The following CDS2 variants were observed in gnomAD, a reference collection of about 807,000 sequenced individuals.
The protein encoded by CDS2 is phosphatidate cytidylyltransferase 2.
CDS2 carries 47 observed loss-of-function variants against 59.0 expected under a neutral mutation model. That is an observed-to-expected ratio of 0.80 (90% CI 0.63 to 1.02). CDS2 has a LOEUF of 1.02. CDS2 is among the 50% of genes least tolerant of loss of function. The pLI is 0.00. For synonymous variants in CDS2, 207 were observed against 206.4 expected, an observed-to-expected ratio of 1.00 and a Z score of -0.02; for missense variants, 356 against 558.9, an observed-to-expected ratio of 0.64 and a Z score of 3.66.
At chr20:5,152,827 A>G (rs191895827) in intron 1 of CDS2, among the ~76,000 whole-genome samples, 1 of 152,340 alleles carries the variant, frequency 6.6e-6, no homozygotes, top group Non-Finnish European at 1.5e-5. Flanking sequence ...CTTGAGGATT[A>G]TGGAGGAAAA....
At chr20:5,179,805 G>T (rs1403712519) in intron 5 of CDS2, among the ~76,000 whole-genome samples, 4 of 152,160 alleles carry the variant, frequency 2.6e-5, no homozygotes, top group Non-Finnish European at 5.9e-5. Context: ...ACATTAAAGC[G>T]TTATATTAGT....
At chr20:5,189,653 C>T (rs556174776) in intron 11 of CDS2, 82 bp from the exon 12 acceptor site, 2 of 978,310 alleles carry the variant, frequency 2.0e-6, no homozygotes, top group East Asian at 4.8e-5. Flanking sequence ...GCACAGAAGC[C>T]TGACATTGGG....
chr20:5,190,322 C>A lies in CDS2; in HGVS notation c.*88C>A. ...CCAGCTGGTGTGACTTAGACAATGACGAGGCTTCAACTCACTGTCTTTTTT... is the reference window on the plus strand; with the variant it reads ...CCAGCTGGTGTGACTTAGACAATGAAGAGGCTTCAACTCACTGTCTTTTTT... On this transcript the variant is annotated 3_prime_UTR_variant, in exon 13 of 13. Coordinates refer to ENST00000460006, the MANE Select transcript of CDS2 (RefSeq NM_003818.4). 3 of 1,238,300 alleles carry A rather than the reference C, an allele frequency of 2.4e-6. No individual in the cohort carries two copies. The highest frequency in any genetic ancestry group is 3.3e-6 in the Non-Finnish European group (3 of 913,082). 76.7% of individuals were successfully genotyped at this position (1,238,300 alleles called of 1,614,324 possible).
intron 1 of CDS2, among the ~76,000 whole-genome samples, chr20:5,167,752 T>G (rs1196467358): frequency 6.6e-6 from 1 of 152,204 alleles, no homozygotes; most frequent in African/African-American, 2.4e-5. Flanking sequence ...ATCTAGAAGA[T>G]GGAGGCCATG....
chr20:5,178,500 G>A (rs998459479), intron 4 of CDS2, among the ~76,000 whole-genome samples: 2 of 152,152 alleles, frequency 1.3e-5, no homozygotes, highest in African/African-American at 2.4e-5. Context: ...AGGATGAGGC[G>A]TGTTTTTGAA....
chr20:5,168,417 CAA>C (rs71332877), intron 1 of CDS2, among the ~76,000 whole-genome samples: 14 of 71,514 alleles, frequency 2.0e-4, no homozygotes, highest in East Asian at 4.1e-4. Context: ...TCTGTCCCCC[CAA>C]AAAAAAAAAA....
chr20:5,189,658 A>T (rs932140746), intron 11 of CDS2, 77 bp from the exon 12 acceptor site: 1 of 1,025,242 alleles, frequency 9.8e-7, no homozygotes, highest in Middle Eastern at 2.3e-4. Flanking sequence ...GAAGCCTGAC[A>T]TTGGGGTGGG....
intron 10 of CDS2, 37 bp from the exon 11 acceptor site, chr20:5,189,030 T>C (rs2091092039): frequency 6.2e-7 from 1 of 1,613,296 alleles, no homozygotes; most frequent in South Asian, 1.1e-5. Context: ...ACTGGGCATG[T>C]ATGCACCTAA....
At chr20:5,166,924 A>T (rs1301226549) in intron 1 of CDS2, among the ~76,000 whole-genome samples, 1 of 152,184 alleles carries the variant, frequency 6.6e-6, no homozygotes, top group Non-Finnish European at 1.5e-5. Context: ...AAGAAAGTGC[A>T]TTGGTTGGAT....
chr20:5,191,368 T>C lies in CDS2; in HGVS notation c.*1134T>C, dbSNP rs944009140. On this transcript the variant is annotated 3_prime_UTR_variant, in exon 13 of 13. Coordinates refer to ENST00000460006, the MANE Select transcript of CDS2 (RefSeq NM_003818.4). The stretch of plus-strand genomic sequence containing the variant: ...ATGTGACCAGTTTAAATGTAGTTTG[T>C]ATTGTACTGGGGGACCTTTCGTTGT... The C allele has an allele frequency of 3.3e-5, 5 of 152,330 alleles. No individual in the cohort carries two copies. The highest frequency in any genetic ancestry group is 1.2e-4 in the African/African-American group (5 of 41,566). 9.4% of individuals were successfully genotyped at this position (152,330 alleles called of 1,614,324 possible).
In CDS2 at chr20:5,196,628, T is replaced by C. The variant is rs1294284899; in HGVS notation, c.*6394T>C. 6.6e-6 allele frequency: 1 copy of C among 152,208 alleles called. No homozygotes were observed. Among genetic ancestry groups the C allele is most frequent in the African/African-American group, 2.4e-5 (1 of 41,438 alleles). The allele number at this position is 152,208 out of a possible 1,614,324, so 9.4% of individuals were successfully genotyped here. ...CTGCGCTAGGTTCTTGTATGCTGGC[T>C]TTTCTTAAAGGAACAGCAGAGTAGA... On this transcript the variant is annotated 3_prime_UTR_variant, in exon 13 of 13. Coordinates refer to ENST00000460006, the MANE Select transcript of CDS2 (RefSeq NM_003818.4).
In CDS2 at chr20:5,173,418, CCT is replaced by C. The variant is rs113618534; in HGVS notation, c.58-104_58-103del. On this transcript the variant is annotated intron_variant, in intron 1 of 12. Transcript: ENST00000460006. The stretch of plus-strand genomic sequence containing the variant: ...ACCTGACTGTGCCAGGTTCTTAGGC[CCT>C]GTTTGGAGTCTTTCCCCACAGATCT... 2,328 of 1,302,290 alleles carry C rather than the reference CCT, an allele frequency of 1.8e-3. 35 individuals are homozygous for C. The African/African-American group carries it at 0.026, about 15-fold the overall frequency. The allele number at this position is 1,302,290 out of a possible 1,614,324, so 80.7% of individuals were successfully genotyped here.
At position 5,190,366 on chromosome 20, in the gene CDS2, T is replaced by A; in HGVS notation, c.*132T>A. On this transcript the variant is annotated 3_prime_UTR_variant, in exon 13 of 13. Coordinates refer to ENST00000460006, the MANE Select transcript of CDS2 (RefSeq NM_003818.4). ...CTTTTTTTTTTTTTTTTGGAGGGTA[T>A]TTTTTATTTGTGGGTTCAAAAAATC... 1.1e-6 allele frequency: 1 copy of A among 874,264 alleles called. No homozygotes were observed. Among genetic ancestry groups the A allele is most frequent in the Non-Finnish European group, 1.7e-6 (1 of 591,772 alleles). 54.2% of individuals were successfully genotyped at this position (874,264 alleles called of 1,614,324 possible).
In CDS2 at chr20:5,137,305, G is replaced by A. The variant is rs148659206; in HGVS notation, c.57+10156G>A. 5.1e-3 allele frequency among the ~76,000 whole-genome samples: 761 copies of A among 149,456 alleles called. 5 individuals are homozygous for A. The highest frequency in any genetic ancestry group is 0.018 in the African/African-American group (728 of 40,460). The stretch of plus-strand genomic sequence containing the variant: ...GTCGCCCAGGCTGGAGTGCAGTAGC[G>A]TGATCTCGGCTCACTGCAGCCTCCG... On this transcript the variant is annotated intron_variant, in intron 1 of 12. Transcript: ENST00000460006.
At chr20:5,186,105 G>T (rs1397665684) in intron 9 of CDS2, among the ~76,000 whole-genome samples, 1 of 152,236 alleles carries the variant, frequency 6.6e-6, no homozygotes, top group South Asian at 2.1e-4. Flanking sequence ...CAAGGTCAGG[G>T]TGAGTGCACC....
Position 5,127,161 on chromosome 20 carries a change from G to A in CDS2, c.57+12G>A. 1 of 1,486,872 alleles carries A rather than the reference G, an allele frequency of 6.7e-7. No homozygotes were observed. Among genetic ancestry groups the A allele is most frequent in the Non-Finnish European group, 9.0e-7 (1 of 1,116,804 alleles). The allele number at this position is 1,486,872 out of a possible 1,614,324, so 92.1% of individuals were successfully genotyped here. The stretch of plus-strand genomic sequence containing the variant: ...CACCCGAGGACAAGGTAGCGGCAGC[G>A]TCGGGGTGGGCGCGGCCGGGACAGC... On this transcript the variant is annotated intron_variant, in intron 1 of 12. Transcript: ENST00000460006.
chr20:5,131,092 TAA>T (rs1049352468), intron 1 of CDS2, among the ~76,000 whole-genome samples: 78 of 105,016 alleles, frequency 7.4e-4, no homozygotes, highest in Admixed American at 8.3e-4. Context: ...GACTCTGTCT[TAA>T]AAAAAAAAAA....
At chr20:5,142,618 T>G (rs568449143) in intron 1 of CDS2, among the ~76,000 whole-genome samples, 17 of 152,294 alleles carry the variant, frequency 1.1e-4, no homozygotes. Flanking sequence ...GTGATGTATA[T>G]TCCTCCTGTA....
At chr20:5,145,742 T>G (rs532100040) in intron 1 of CDS2, among the ~76,000 whole-genome samples, 1 of 152,170 alleles carries the variant, frequency 6.6e-6, no homozygotes, top group East Asian at 1.9e-4. Flanking sequence ...ATTCATTTCA[T>G]TGGGATATTG....
Sources: allele counts gnomAD v4.1 joint callset (sites outside exome capture counted in the v4.1 genomes callset), GRCh38; gene constraint gnomAD v4.1.1; transcripts MANE v1.5; gene names NCBI Gene and HGNC (gene_info 2026-07-23, HGNC 2026-07-21).